Variants in CHODL observed in about 807,000 individuals in gnomAD.
The protein encoded by CHODL is transmembrane protein MT75.
A neutral mutation model predicts 34.5 loss-of-function variants in CHODL; 29 were observed. The ratio of observed to expected loss-of-function variants is 0.84; its 90% CI spans 0.63 to 1.15. The LOEUF (loss-of-function observed/expected upper bound fraction) is 1.15, where lower values mean the gene tolerates loss of function less well. Among genes scored for constraint, CHODL ranks in the 50% most tolerant of loss-of-function variants. CHODL has a pLI of 0.00. For missense variants in CHODL, 332 were observed against 332.5 expected, an observed-to-expected ratio of 1.00 and a Z score of 0.01; for synonymous variants, 125 against 116.1, an observed-to-expected ratio of 1.08 and a Z score of -0.49.
intron 2 of CHODL, among the ~76,000 whole-genome samples, chr21:18,096,792 A>C (rs970348927): frequency 6.6e-6 from 1 of 152,134 alleles, no homozygotes; most frequent in Non-Finnish European, 1.5e-5. Flanking sequence ...CTTTTGAAGC[A>C]TGTGATCTCT....
At chr21:18,178,441 C>A (rs1344162222) in intron 2 of CHODL, among the ~76,000 whole-genome samples, 1 of 152,026 alleles carries the variant, frequency 6.6e-6, no homozygotes, top group African/African-American at 2.4e-5. Flanking sequence ...CATTGCTGGC[C>A]CCCCTTCCAG....
At chr21:18,075,177 T>C (rs158029) in intron 2 of CHODL, among the ~76,000 whole-genome samples, 61,178 of 151,970 alleles carry the variant, frequency 0.4, 13,634 homozygotes, top group East Asian at 0.95. Context: ...TAATTATAAC[T>C]ACATGGACTA....
chr21:18,092,784 A>T (rs2065089528), intron 2 of CHODL, among the ~76,000 whole-genome samples: 1 of 152,228 alleles, frequency 6.6e-6, no homozygotes, highest in Non-Finnish European at 1.5e-5. Flanking sequence ...GAGACAAAGA[A>T]AAAAGAATAC....
At chr21:18,148,524 A>G (rs1226425972) in intron 2 of CHODL, among the ~76,000 whole-genome samples, 2 of 152,192 alleles carry the variant, frequency 1.3e-5, no homozygotes, top group Non-Finnish European at 2.9e-5. Context: ...ACTTATGCAC[A>G]CACACACAAT....
At chr21:18,093,817 A>G (rs754959726) in intron 2 of CHODL, among the ~76,000 whole-genome samples, 9 of 152,164 alleles carry the variant, frequency 5.9e-5, no homozygotes, top group Non-Finnish European at 1.0e-4. Context: ...GGAAGGAAAG[A>G]AGAAAGAGAC....
chr21:18,184,996 GTCTC>G (rs537636663), intron 2 of CHODL, among the ~76,000 whole-genome samples: 2 of 152,148 alleles, frequency 1.3e-5, no homozygotes, highest in South Asian at 4.2e-4. Context: ...GCAACAACTT[GTCTC>G]TCTCTTTTTT....
rs564332749 is a variant in CHODL at position 18,254,634 on chromosome 21, G to C, written c.80-1875G>C. On this transcript the variant is annotated intron_variant, in intron 1 of 5. Coordinates refer to ENST00000299295, the MANE Select transcript of CHODL (RefSeq NM_024944.3). ...GGTGAGTGTAGACAATAGAACAATA[G>C]AAAGTCCATTGCTTATAGAACTAGC... Among the ~76,000 whole-genome samples, 5 of 152,254 alleles carry C rather than the reference G, an allele frequency of 3.3e-5. No individual in the cohort carries two copies. The South Asian group carries it at 8.3e-4, about 25-fold the overall frequency.
chr21:18,094,776 C>T (rs1238392701), intron 2 of CHODL, among the ~76,000 whole-genome samples: 1 of 145,552 alleles, frequency 6.9e-6, no homozygotes, highest in East Asian at 2.0e-4. Flanking sequence ...AACCTAATAG[C>T]ACATCTTAAT....
At position 18,266,974 on chromosome 21, in the gene CHODL, C is replaced by T. The variant is rs959622136; in HGVS notation, c.*936C>T. 10 of 152,152 alleles carry T rather than the reference C, an allele frequency of 6.6e-5. No homozygotes were observed. Among genetic ancestry groups the T allele is most frequent in the African/African-American group, 1.9e-4 (8 of 41,430 alleles). The allele number at this position is 152,152 out of a possible 1,614,324, so 9.4% of individuals were successfully genotyped here. A position where few individuals can be genotyped will look rare whatever the true frequency, so the allele number is the denominator to read the frequency against. ...TGCCCACTAAACAAAGATGGTTGTT[C>T]GGGGTTTGGGATTGACACTGGAGGC... On this transcript the variant is annotated 3_prime_UTR_variant, in exon 6 of 6. Transcript: ENST00000299295.
chr21:18,173,651 C>T (rs1031551910), intron 2 of CHODL, among the ~76,000 whole-genome samples: 1 of 152,018 alleles, frequency 6.6e-6, no homozygotes, highest in African/African-American at 2.4e-5. Context: ...TTTAATTCTG[C>T]TCTCAAGGCC....
At chr21:17,930,899 A>G (rs556471479) in intron 1 of CHODL, among the ~76,000 whole-genome samples, 2 of 152,356 alleles carry the variant, frequency 1.3e-5, no homozygotes, top group South Asian at 4.1e-4. Context: ...AAGAGATTCC[A>G]TGCTGAAGCC....
intron 1 of CHODL, chr21:18,245,736 T>G: frequency 1.6e-6 from 1 of 608,230 alleles, no homozygotes; most frequent in South Asian, 2.0e-5. Flanking sequence ...CCCAGCACCG[T>G]GTTCACTCGG....
intron 2 of CHODL, among the ~76,000 whole-genome samples, chr21:18,195,389 A>G (rs2073574931): frequency 6.6e-6 from 1 of 152,184 alleles, no homozygotes; most frequent in Admixed American, 6.5e-5. Context: ...ACCATGCTAT[A>G]TAGTAGATCT....
intron 2 of CHODL, among the ~76,000 whole-genome samples, chr21:18,089,006 A>G (rs1022065903): frequency 4.6e-5 from 7 of 152,132 alleles, no homozygotes; most frequent in African/African-American, 1.7e-4. Flanking sequence ...TCTCATGTGC[A>G]TTCACCTCCT....
chr21:18,144,755 A>G (rs1341172156), intron 2 of CHODL, among the ~76,000 whole-genome samples: 4 of 151,952 alleles, frequency 2.6e-5, no homozygotes, highest in South Asian at 2.1e-4. Flanking sequence ...AAGATTTTAA[A>G]ATTTTTCTTT....
intron 1 of CHODL, among the ~76,000 whole-genome samples, chr21:17,964,851 A>G (rs200805): frequency 6.6e-6 from 1 of 152,154 alleles, no homozygotes; most frequent in Admixed American, 6.5e-5. Flanking sequence ...GCCATTTTTA[A>G]TATGTGTCAC....
chr21:17,985,629 A>G (rs2063747583), intron 1 of CHODL, among the ~76,000 whole-genome samples: 1 of 152,190 alleles, frequency 6.6e-6, no homozygotes, highest in African/African-American at 2.4e-5. Context: ...ATTGAGGAAC[A>G]AAAAGGAAGT....
rs759207125 is a variant in CHODL at position 18,257,058 on chromosome 21, C to G, written c.478C>G (p.Pro160Ala). 4 of 1,613,898 alleles carry G rather than the reference C, an allele frequency of 2.5e-6. No individual in the cohort carries two copies. The highest frequency in any genetic ancestry group is 2.5e-6 in the Non-Finnish European group (3 of 1,179,892). The change falls in exon 3 of 6, where the codon CCC (proline) becomes GCC (alanine). Residue 160 changes from proline to alanine, a missense_variant. By Grantham distance (27) the Pro-to-Ala change is conservative. Transcript: ENST00000299295. ...AACTGCCAATCCTGGCCTTGGGGGT[C>G]CCTACCTTTACCAGTGGAATGATGA... The part of the protein sequence containing the change: ...QPTANPGLGG[P>A]YLYQWNDDRC...
chr21:17,976,003 T>C (rs1277589469), intron 1 of CHODL, among the ~76,000 whole-genome samples: 2 of 152,184 alleles, frequency 1.3e-5, no homozygotes, highest in Non-Finnish European at 2.9e-5. Context: ...CTATATGCTA[T>C]ATTTTATCAC....
Sources: gnomAD v4.1 joint callset for allele counts (sites outside exome capture counted in the v4.1 genomes callset) on GRCh38, gnomAD v4.1.1 for gene constraint, MANE v1.5 for transcripts, NCBI Gene and HGNC (gene_info 2026-07-23, HGNC 2026-07-21) for gene names.